The following WDR20 variants were observed in gnomAD, a reference collection of about 807,000 sequenced individuals.
WDR20 encodes the protein WD repeat-containing protein 20.
WDR20 carries 3 observed loss-of-function variants against 38.7 expected under a neutral mutation model. That is an observed-to-expected ratio of 0.08 (90% CI 0.04 to 0.20). WDR20 has a LOEUF of 0.20. WDR20 is among the 10% of genes least tolerant of loss of function. WDR20 has a pLI of 1.00. For missense variants in WDR20, 559 were observed against 727.7 expected (o/e 0.77, Z 2.67); for synonymous variants, 298 against 285.6 (o/e 1.04, Z -0.44).
At chr14:102,164,955 G>A (rs974625572) in intron 1 of WDR20, among the ~76,000 whole-genome samples, 15 of 152,310 alleles carry the variant, frequency 9.8e-5, no homozygotes, top group African/African-American at 3.4e-4. Context: ...CTGTGAAAGC[G>A]CAAGTTAGTT....
intron 1 of WDR20, chr14:102,167,721 A>G (rs961928928): frequency 6.6e-6 from 1 of 152,216 alleles, no homozygotes; most frequent in African/African-American, 2.4e-5. Flanking sequence ...ATGCCACGGT[A>G]GTAATTAAAT....
intron 2 of WDR20, among the ~76,000 whole-genome samples, chr14:102,203,235 A>C (rs2060836369): frequency 6.6e-6 from 1 of 152,204 alleles, no homozygotes; most frequent in Admixed American, 6.5e-5. Flanking sequence ...TGCAAGTTTA[A>C]ATTTTCTAAT....
intron 1 of WDR20, among the ~76,000 whole-genome samples, chr14:102,184,278 C>T (rs990679662): frequency 2.6e-5 from 4 of 152,196 alleles, no homozygotes; most frequent in Non-Finnish European, 5.9e-5. Context: ...GATAGGAGAT[C>T]TAACCTTCCG....
intron 1 of WDR20, among the ~76,000 whole-genome samples, chr14:102,189,421 C>T (rs956567758): frequency 6.6e-6 from 1 of 152,112 alleles, no homozygotes; most frequent in Non-Finnish European, 1.5e-5. Context: ...ACTCCTTATG[C>T]AAACTCATGA....
Position 102,140,090 on chromosome 14 carries a change from A to G in WDR20, c.167A>G (p.Asn56Ser), listed in dbSNP as rs2050323153. The change falls in exon 1 of 3, where the codon AAC becomes AGC. Residue 56 changes from asparagine (N) to serine (S), a missense_variant. Physicochemically the swap from Asn to Ser is conservative, Grantham distance 46. Coordinates refer to ENST00000342702, the MANE Select transcript of WDR20 (RefSeq NM_144574.4). The part of the protein sequence containing the change: ...NPVRVSFVNL[N>S]DQSGNGDRLC... ...GTCCGCGTCTCCTTCGTAAACCTCA[A>G]CGACCAGTCTGGCAACGGCGACCGC... 6.2e-7 allele frequency: 1 copy of G among 1,614,206 alleles called. No homozygotes were observed. Among genetic ancestry groups the G allele is most frequent in the Non-Finnish European group, 8.5e-7 (1 of 1,180,038 alleles).
intron 2 of WDR20, among the ~76,000 whole-genome samples, chr14:102,196,230 C>T (rs932685734): frequency 6.6e-6 from 1 of 152,082 alleles, no homozygotes; most frequent in Non-Finnish European, 1.5e-5. Flanking sequence ...TGAACCATGC[C>T]ATCTCTTCTA....
At chr14:102,201,180 G>T (rs1372164690) in intron 2 of WDR20, among the ~76,000 whole-genome samples, 1 of 152,182 alleles carries the variant, frequency 6.6e-6, no homozygotes, top group Non-Finnish European at 1.5e-5. Context: ...GCCCTCTTCA[G>T]ATGCCTTTAC....
rs2056839413 is a variant in WDR20 at position 102,154,193 on chromosome 14, T to TA, written c.249+14022dup. ...AAGAAAAAATCTTTCATATACTACT[T>TA]ACTACTGGTTGTCTTAGTCTCTCAG... is the stretch of plus-strand genomic sequence containing the variant. On this transcript the variant is annotated intron_variant, in intron 1 of 2. Coordinates refer to ENST00000342702, the MANE Select transcript of WDR20 (RefSeq NM_144574.4). 2.0e-5 allele frequency among the ~76,000 whole-genome samples: 3 copies of TA among 152,298 alleles called. No homozygotes were observed. The South Asian group carries it at 6.2e-4, about 32-fold the overall frequency.
upstream of WDR20, chr14:102,139,859 G>A (rs564942548): frequency 2.0e-5 from 32 of 1,582,408 alleles, no homozygotes; most frequent in Non-Finnish European, 2.8e-5. Context: ...GGGAGCACCA[G>A]GAACAGCGCC....
chr14:102,209,538 T>C lies in WDR20; in HGVS notation c.1368T>C (p.Ser456=). The C allele has an allele frequency of 6.2e-7, 1 of 1,614,162 alleles. No homozygotes were observed. ...GTGTCATGGACGGGGCCATTGCTTCTGGGGTCAGCAAATTTGCAACACTTT... is the reference window on the plus strand; with the variant it reads ...GTGTCATGGACGGGGCCATTGCTTCCGGGGTCAGCAAATTTGCAACACTTT... ...KSSVMDGAIA[S]GVSKFATLSL... is the part of the protein sequence containing the mutation. The change falls in exon 3 of 3, where the codon TCT becomes TCC. Residue 456 remains serine (S), a synonymous_variant. Transcript: ENST00000342702. This position sits in a 1 kb window ranked among gnomAD's most constrained non-coding sequence, Gnocchi z 6.0.
chr14:102,182,190 A>G (rs778009551), intron 1 of WDR20, among the ~76,000 whole-genome samples: 2 of 152,214 alleles, frequency 1.3e-5, no homozygotes, highest in South Asian at 4.1e-4. Context: ...TAGAGAAAAA[A>G]TAGGGAGCTA....
At chr14:102,146,713 T>A (rs1214363339) in intron 1 of WDR20, among the ~76,000 whole-genome samples, 1 of 151,944 alleles carries the variant, frequency 6.6e-6, no homozygotes, top group African/African-American at 2.4e-5. Flanking sequence ...TAGATGCCTT[T>A]AAAAAAAATT....
downstream of WDR20, chr14:102,213,879 A>G (rs1256722175): frequency 1.0e-6 from 1 of 985,346 alleles, no homozygotes; most frequent in African/African-American, 1.7e-5. Flanking sequence ...CGGAAACCCA[A>G]GCGCCACATC....
At chr14:102,197,555 C>T (rs1377589215) in intron 2 of WDR20, among the ~76,000 whole-genome samples, 1 of 152,296 alleles carries the variant, frequency 6.6e-6, no homozygotes, top group African/African-American at 2.4e-5. Flanking sequence ...TGTGAAAGAA[C>T]ATCCAGTAAC....
chr14:102,182,430 G>A (rs2063569454), intron 1 of WDR20, among the ~76,000 whole-genome samples: 1 of 152,200 alleles, frequency 6.6e-6, no homozygotes, highest in Admixed American at 6.5e-5. Flanking sequence ...TGATGCCACA[G>A]AAAGATGAGT....
chr14:102,186,325 T>C (rs935674057), intron 1 of WDR20, among the ~76,000 whole-genome samples: 1 of 152,184 alleles, frequency 6.6e-6, no homozygotes, highest in Non-Finnish European at 1.5e-5. Flanking sequence ...GTGCAGCTGA[T>C]TGTTACTTGA....
intron 1 of WDR20, among the ~76,000 whole-genome samples, chr14:102,185,950 C>A (rs1296497142): frequency 6.6e-6 from 1 of 152,082 alleles, no homozygotes; most frequent in African/African-American, 2.4e-5. Flanking sequence ...TCAGTGATAA[C>A]CTTCTGTGTG....
chr14:102,149,049 G>A (rs1244912315), intron 1 of WDR20, among the ~76,000 whole-genome samples: 2 of 152,106 alleles, frequency 1.3e-5, no homozygotes, highest in Non-Finnish European at 2.9e-5. Flanking sequence ...TGTAGTCGCA[G>A]CTACTCGGAA....
intron 1 of WDR20, among the ~76,000 whole-genome samples, chr14:102,187,671 C>T (rs1159267892): frequency 2.0e-5 from 3 of 152,118 alleles, no homozygotes; most frequent in Admixed American, 6.5e-5. Flanking sequence ...GAAGATGTGT[C>T]TGGCAGAGTG....
Sources: gnomAD v4.1 joint callset for allele counts (sites outside exome capture counted in the v4.1 genomes callset) on GRCh38, gnomAD v4.1.1 for gene constraint, Gnocchi (gnomAD v3.1) non-coding constraint, MANE v1.5 for transcripts, NCBI Gene and HGNC (gene_info 2026-07-23, HGNC 2026-07-21) for gene names.